Variants in FAM3B observed in about 807,000 individuals in gnomAD.
FAM3B encodes the protein protein FAM3B.
Under a neutral mutation model 28.4 loss-of-function variants are expected in FAM3B, and 29 were observed. The ratio of observed to expected loss-of-function variants is 1.02; its 90% CI spans 0.76 to 1.39. FAM3B has a LOEUF of 1.39. Among genes scored for constraint, FAM3B ranks in the 40% most tolerant of loss-of-function variants. FAM3B has a pLI of 0.00. For synonymous variants in FAM3B, 91 were observed against 103.0 expected, an observed-to-expected ratio of 0.88 and a Z score of 0.71; for missense variants, 266 against 293.9, an observed-to-expected ratio of 0.91 and a Z score of 0.69.
At chr21:41,316,787 T>A, upstream of FAM3B, 2 of 1,293,476 alleles carry the variant, frequency 1.5e-6, no homozygotes, top group Non-Finnish European at 2.0e-6. Flanking sequence ...ACACGACCGC[T>A]GCCCGCCCCT....
At chr21:41,345,597 A>C in intron 4 of FAM3B, 89 bp from the exon 5 acceptor site, 32 of 682,932 alleles carry the variant, frequency 4.7e-5, no homozygotes, top group Middle Eastern at 2.6e-4. Flanking sequence ...TAGACAGGGA[A>C]GAAATATTTC....
intron 1 of FAM3B, among the ~76,000 whole-genome samples, chr21:41,306,027 C>G (rs1008240623): frequency 6.6e-6 from 1 of 152,240 alleles, no homozygotes; most frequent in Non-Finnish European, 1.5e-5. Flanking sequence ...ATTCTCAAAT[C>G]TTTGTTGTCA....
chr21:41,316,550 C>G (rs1211579409), upstream of FAM3B, among the ~76,000 whole-genome samples: 1 of 152,228 alleles, frequency 6.6e-6, no homozygotes, highest in East Asian at 1.9e-4. Context: ...TCGTTTCCTC[C>G]CTTCAGAGCC....
intron 7 of FAM3B, 31 bp downstream of exon 7, chr21:41,348,755 A>C (rs2089087878): frequency 6.2e-7 from 1 of 1,613,958 alleles, no homozygotes; most frequent in Non-Finnish European, 8.5e-7. Context: ...CCTTCCCACC[A>C]ATGGTGAGTA....
intron 5 of FAM3B, chr21:41,345,960 T>C (rs1307349766): frequency 2.3e-6 from 1 of 433,224 alleles, no homozygotes; most frequent in Non-Finnish European, 4.1e-6. Flanking sequence ...TCTGTTAGTT[T>C]TCCTCAGTCT....
intron 5 of FAM3B, 22 bp from the exon 6 acceptor site, chr21:41,346,991 A>G: frequency 6.2e-7 from 1 of 1,612,384 alleles, no homozygotes. Context: ...AGACCCTAAA[A>G]CTGACTTGCA....
chr21:41,317,103 G>A (rs550578929), intron 1 of FAM3B, among the ~76,000 whole-genome samples: 9 of 152,220 alleles, frequency 5.9e-5, no homozygotes, highest in African/African-American at 2.2e-4. Context: ...TTTCCAGCAG[G>A]GTTCCCCGAC....
chr21:41,338,533 C>A, intron 3 of FAM3B, 32 bp downstream of exon 3: 1 of 1,612,060 alleles, frequency 6.2e-7, no homozygotes, highest in Non-Finnish European at 8.5e-7. Context: ...GAAAATAAAG[C>A]GATCCTACTG....
At chr21:41,333,163 A>G (rs2088922808) in intron 2 of FAM3B, among the ~76,000 whole-genome samples, 1 of 147,810 alleles carries the variant, frequency 6.8e-6, no homozygotes, top group African/African-American at 2.5e-5. Flanking sequence ...ATAGTTTTTA[A>G]TCTCCCTTTT....
At chr21:41,312,075 A>G (rs993981715), upstream of FAM3B, among the ~76,000 whole-genome samples, 2 of 152,210 alleles carry the variant, frequency 1.3e-5, no homozygotes, top group African/African-American at 4.8e-5. Flanking sequence ...TGATTCAATC[A>G]TCTTTCACTA....
intron 2 of FAM3B, among the ~76,000 whole-genome samples, chr21:41,328,127 G>C (rs914679963): frequency 2.6e-5 from 4 of 152,194 alleles, no homozygotes; most frequent in Non-Finnish European, 4.4e-5. Context: ...CTGCCCACGG[G>C]AAAGTGGACA....
chr21:41,336,890 A>G (rs772275845), intron 2 of FAM3B, among the ~76,000 whole-genome samples: 8 of 152,304 alleles, frequency 5.3e-5, no homozygotes, highest in Admixed American at 2.6e-4. Flanking sequence ...AAATATAGCT[A>G]TCCCTGCTCT....
chr21:41,336,072 T>A (rs925941061), intron 2 of FAM3B, among the ~76,000 whole-genome samples: 2 of 152,204 alleles, frequency 1.3e-5, no homozygotes, highest in African/African-American at 4.8e-5. Flanking sequence ...CCTCTACGAA[T>A]GGTATTAGCA....
chr21:41,315,667 G>T (rs1048675749), upstream of FAM3B, among the ~76,000 whole-genome samples: 1 of 152,154 alleles, frequency 6.6e-6, no homozygotes, highest in Non-Finnish European at 1.5e-5. Context: ...CATTAGGAAG[G>T]ATTCCTTACT....
intron 1 of FAM3B, among the ~76,000 whole-genome samples, chr21:41,308,393 C>G (rs1357356326): frequency 6.6e-6 from 1 of 152,208 alleles, no homozygotes; most frequent in Non-Finnish European, 1.5e-5. Context: ...CTGGGTAGTG[C>G]TCACCCAACT....
intron 2 of FAM3B, among the ~76,000 whole-genome samples, chr21:41,338,007 G>A (rs893006023): frequency 3.3e-5 from 5 of 151,910 alleles, no homozygotes; most frequent in African/African-American, 9.7e-5. Flanking sequence ...TCCACAGATG[G>A]CTGTCTTTGC....
intron 1 of FAM3B, chr21:41,304,369 G>T (rs777641698): frequency 2.2e-6 from 1 of 452,592 alleles, no homozygotes; most frequent in South Asian, 1.6e-5. Context: ...GGACGCTGCC[G>T]CCTGCATCTG....
chr21:41,312,106 G>A (rs1007328455), upstream of FAM3B, among the ~76,000 whole-genome samples: 1 of 152,202 alleles, frequency 6.6e-6, no homozygotes, highest in Non-Finnish European at 1.5e-5. Flanking sequence ...ACAACATGTG[G>A]GAATTATGGG....
chr21:41,349,551 C>T (rs1223043864), intron 7 of FAM3B, among the ~76,000 whole-genome samples: 1 of 152,148 alleles, frequency 6.6e-6, no homozygotes, highest in Non-Finnish European at 1.5e-5. Flanking sequence ...TGCAATAGGC[C>T]GCTTCTGATT....
Sources: allele counts gnomAD v4.1 joint callset (sites outside exome capture counted in the v4.1 genomes callset), GRCh38; gene constraint gnomAD v4.1.1; transcripts MANE v1.5; gene names NCBI Gene and HGNC (gene_info 2026-07-23, HGNC 2026-07-21).